UCN3: variants seen among roughly 807,000 people sequenced by gnomAD.
The protein encoded by UCN3 is urocortin 3.
Under a neutral mutation model 3.6 loss-of-function variants are expected in UCN3, and 3 were observed. The ratio of observed to expected loss-of-function variants is 0.83; its 90% confidence interval spans 0.38 to 2.15. The LOEUF (loss-of-function observed/expected upper bound fraction) is 2.15. Among genes scored for constraint, UCN3 ranks in the 30% most tolerant of loss-of-function variants. UCN3 has a pLI of 0.06. For synonymous variants in UCN3, 100 were observed against 93.2 expected, an observed-to-expected ratio of 1.07 and a Z score of -0.42; for missense variants, 206 against 208.3, an observed-to-expected ratio of 0.99 and a Z score of 0.07.
At chr10:5,370,677 G>GTGTGTGTATGTGTGTATA (rs1831385309) in intron 1 of UCN3, among the ~76,000 whole-genome samples, 3 of 79,300 alleles carry the variant, frequency 3.8e-5, no homozygotes, top group Non-Finnish European at 5.0e-5. Context: ...GTGTGTGTAT[G>GTGTGTGTATGTGTGTATA]TGTGTGTGTA....
chr10:5,371,116 A>G (rs1392285528), intron 1 of UCN3, among the ~76,000 whole-genome samples: 7 of 149,774 alleles, frequency 4.7e-5, no homozygotes, highest in Admixed American at 4.6e-4. Context: ...ATGCATGTAC[A>G]TGTGAGGTAT....
At chr10:5,373,633 A>T in intron 1 of UCN3, 82 bp from the exon 2 acceptor site, 2 of 1,527,472 alleles carry the variant, frequency 1.3e-6, no homozygotes, top group Non-Finnish European at 1.8e-6. Context: ...CATTAACAAC[A>T]CCCTAGTAGA....
intron 1 of UCN3, among the ~76,000 whole-genome samples, chr10:5,372,632 C>A (rs1336669185): frequency 1.3e-5 from 2 of 152,084 alleles, no homozygotes; most frequent in African/African-American, 4.8e-5. Flanking sequence ...TCACTGTAGC[C>A]TCGACCTCTG....
rs1339938939 is a variant in UCN3 at position 5,370,871 on chromosome 10, G to GCGTGTGTATGTGTGTGTATA, written c.-6-2844_-6-2843insCGTGTGTATGTGTGTGTATA. On this transcript the variant is annotated intron_variant, in intron 1 of 1. Coordinates refer to ENST00000380433, the MANE Select transcript of UCN3 (RefSeq NM_053049.4). ...TGTGCGCGTGTGTGTGCGTGTGTAT[G>GCGTGTGTATGTGTGTGTATA]TGTGTGTATATGCGTGTGTATATGC... Among the ~76,000 whole-genome samples, 60 of 135,396 alleles carry GCGTGTGTATGTGTGTGTATA rather than the reference G, an allele frequency of 4.4e-4. 6 individuals carry two copies. Among genetic ancestry groups the GCGTGTGTATGTGTGTGTATA allele is most frequent in the African/African-American group, 1.7e-3 (56 of 33,600 alleles). 88.8% of individuals were successfully genotyped at this position (135,396 alleles called of 152,430 possible). A position where few individuals can be genotyped will look rare whatever the true frequency, so the allele number is the denominator to read the frequency against.
intron 1 of UCN3, among the ~76,000 whole-genome samples, chr10:5,372,197 CAG>C (rs1831439580): frequency 6.6e-6 from 1 of 152,134 alleles, no homozygotes; most frequent in Non-Finnish European, 1.5e-5. Context: ...GCCCGCAGAC[CAG>C]GCAAAAAGGA....
At chr10:5,370,517 G>C (rs1197907293) in intron 1 of UCN3, among the ~76,000 whole-genome samples, 1 of 108,874 alleles carries the variant, frequency 9.2e-6, no homozygotes, top group Non-Finnish European at 1.9e-5. Flanking sequence ...GTGTATATGT[G>C]TGTGTATGTG....
rs975524297 is a variant in UCN3 at position 5,368,796 on chromosome 10, G to T, written c.-7+3566G>T. ...TCCTCTGTAAATGAGAAAGCTGAAG[G>T]TCTGCCTATTGAATGCAACATTTAA... is the stretch of plus-strand genomic sequence containing the variant. On this transcript the variant is annotated intron_variant, in intron 1 of 1. Coordinates refer to ENST00000380433, the MANE Select transcript of UCN3 (RefSeq NM_053049.4). 3.9e-5 allele frequency among the ~76,000 whole-genome samples: 6 copies of T among 152,262 alleles called. No homozygotes were observed. The East Asian group carries it at 1.2e-3, about 29-fold the overall frequency.
chr10:5,368,522 A>G lies in UCN3; in HGVS notation c.-7+3292A>G, dbSNP rs540640212. 4.6e-5 allele frequency among the ~76,000 whole-genome samples: 7 copies of G among 152,264 alleles called. 1 individual carries two copies. Among genetic ancestry groups the G allele is most frequent in the African/African-American group, 1.7e-4 (7 of 41,552 alleles). On this transcript the variant is annotated intron_variant, in intron 1 of 1. Transcript: ENST00000380433. ...CTGGGCGGTTAGGCATGAGCTAGTG[A>G]GTGGGAGGGACAGGACTGAGTCTGG...
chr10:5,371,300 T>C (rs1554811538), intron 1 of UCN3, among the ~76,000 whole-genome samples: 1 of 150,726 alleles, frequency 6.6e-6, no homozygotes, highest in African/African-American at 2.5e-5. Flanking sequence ...TGTGCATGTG[T>C]CTATATGTAT....
intron 1 of UCN3, 31 bp from the exon 2 acceptor site, chr10:5,373,684 C>A (rs782363645): frequency 1.6e-5 from 25 of 1,603,720 alleles, no homozygotes; most frequent in Non-Finnish European, 2.0e-5. Context: ...CCCTCCCATG[C>A]CCCTGCCCAC....
At chr10:5,369,679 T>C (rs1293778769) in intron 1 of UCN3, among the ~76,000 whole-genome samples, 1 of 152,204 alleles carries the variant, frequency 6.6e-6, no homozygotes, top group Non-Finnish European at 1.5e-5. Context: ...TTATGAAAAA[T>C]ATTAGTGCAT....
chr10:5,370,695 A>ATATGCGTGTG (rs1831388043), intron 1 of UCN3, among the ~76,000 whole-genome samples: 1 of 48,974 alleles, frequency 2.0e-5, no homozygotes, highest in African/African-American at 9.2e-5. Context: ...GTATGTGTGT[A>ATATGCGTGTG]TATGTGTGTG....
chr10:5,367,065 G>GA lies in UCN3; in HGVS notation c.-7+1840dup, dbSNP rs1179727784. 6.6e-6 allele frequency among the ~76,000 whole-genome samples: 1 copy of GA among 152,142 alleles called. No individual in the cohort carries two copies. Among genetic ancestry groups the GA allele is most frequent in the African/African-American group, 2.4e-5 (1 of 41,430 alleles). On this transcript the variant is annotated intron_variant, in intron 1 of 1. Transcript: ENST00000380433. The surrounding 1 kb of genome is among the most constrained non-coding windows in gnomAD (Gnocchi z 4.3). Reference sequence around the variant, plus strand: ...ATTTACAAATTGACCCCAAAAATGTGAAAAAGTAAATATAGAGGTAAAAGG... The same window carrying GA: ...ATTTACAAATTGACCCCAAAAATGTGAAAAAAGTAAATATAGAGGTAAAAGG...
At chr10:5,372,971 T>C (rs752662517) in intron 1 of UCN3, among the ~76,000 whole-genome samples, 7 of 152,108 alleles carry the variant, frequency 4.6e-5, no homozygotes, top group Non-Finnish European at 8.8e-5. Context: ...CCTGACTCAG[T>C]CTGACTGATA....
intron 1 of UCN3, among the ~76,000 whole-genome samples, chr10:5,370,840 CGT>C (rs1475005163): frequency 7.4e-5 from 3 of 40,730 alleles, no homozygotes; most frequent in South Asian, 1.2e-3. Context: ...TGTGTGTGCG[CGT>C]GTGTGTGCGC....
At chr10:5,369,983 GTATA>G (rs1389768639) in intron 1 of UCN3, among the ~76,000 whole-genome samples, 1 of 92,072 alleles carries the variant, frequency 1.1e-5, no homozygotes, top group Non-Finnish European at 2.1e-5. Flanking sequence ...ATATGCGTGT[GTATA>G]TGTGTGTATG....
intron 1 of UCN3, among the ~76,000 whole-genome samples, chr10:5,370,683 G>A (rs1269706453): frequency 5.1e-5 from 5 of 97,256 alleles, no homozygotes; most frequent in African/African-American, 1.8e-4. Context: ...GTATGTGTGT[G>A]TGTATGTGTG....
At chr10:5,372,272 T>C (rs1554811623) in intron 1 of UCN3, among the ~76,000 whole-genome samples, 1 of 152,096 alleles carries the variant, frequency 6.6e-6, no homozygotes, top group African/African-American at 2.4e-5. Context: ...CACTTCACAA[T>C]ATCCTCAGGG....
chr10:5,371,227 T>A (rs1161629281), intron 1 of UCN3, among the ~76,000 whole-genome samples: 1 of 151,270 alleles, frequency 6.6e-6, no homozygotes, highest in Non-Finnish European at 1.5e-5. Context: ...TGTGCATGTA[T>A]AAATATGCAT....
Sources: gnomAD v4.1 joint callset for allele counts (sites outside exome capture counted in the v4.1 genomes callset) on GRCh38, gnomAD v4.1.1 for gene constraint, Gnocchi (gnomAD v3.1) non-coding constraint, MANE v1.5 for transcripts, NCBI Gene and HGNC (gene_info 2026-07-23, HGNC 2026-07-21) for gene names.